The following KIAA1958 variants were observed in gnomAD, a reference collection of about 807,000 sequenced individuals.
KIAA1958 encodes the protein KIAA1958.
In KIAA1958, 14 loss-of-function variants were observed where a neutral mutation model predicts 47.2. That is an observed-to-expected ratio of 0.30 (90% CI 0.20 to 0.46). KIAA1958 has a LOEUF of 0.46. Among genes scored for constraint, KIAA1958 ranks in the 20% least tolerant of loss-of-function variants. The pLI is 1.00. For synonymous variants in KIAA1958, 354 were observed against 353.3 expected (o/e 1.00, Z -0.02); for missense variants, 803 against 909.2 (o/e 0.88, Z 1.50).
intron 1 of KIAA1958, among the ~76,000 whole-genome samples, chr9:112,564,005 ACTG>A (rs746890050): frequency 6.6e-6 from 1 of 152,050 alleles, no homozygotes; most frequent in Non-Finnish European, 1.5e-5. Context: ...TCTCCTGTAG[ACTG>A]CTACTATGTT....
In KIAA1958 at chr9:112,630,139, G is replaced by A. The variant is rs574366155; in HGVS notation, c.1172-15511G>A. 1.4e-4 allele frequency among the ~76,000 whole-genome samples: 21 copies of A among 152,314 alleles called. No homozygotes were observed. The East Asian group carries it at 4.0e-3, about 29-fold the overall frequency. ...TTGCGCATGTGACTGTGCCAACACA[G>A]ATCATAGGGTAGCAACAATCCTTTA... On this transcript the variant is annotated intron_variant, in intron 2 of 3. Coordinates refer to ENST00000337530, the MANE Select transcript of KIAA1958 (RefSeq NM_133465.4).
intron 1 of KIAA1958, among the ~76,000 whole-genome samples, chr9:112,540,681 A>C (rs1016772840): frequency 6.6e-6 from 1 of 151,804 alleles, no homozygotes; most frequent in Admixed American, 6.6e-5. Flanking sequence ...GTTTAAGTTA[A>C]ATTTCTAGGC....
At chr9:112,602,339 T>TAGGCC (rs1836148961) in intron 2 of KIAA1958, among the ~76,000 whole-genome samples, 2 of 152,308 alleles carry the variant, frequency 1.3e-5, no homozygotes, top group African/African-American at 4.8e-5. Flanking sequence ...AAATTGAAGT[T>TAGGCC]GGCCTATTTC....
At chr9:112,620,515 A>T (rs1240568219) in intron 2 of KIAA1958, among the ~76,000 whole-genome samples, 1 of 152,086 alleles carries the variant, frequency 6.6e-6, no homozygotes, top group Non-Finnish European at 1.5e-5. Context: ...GCACATAAAG[A>T]CCCGTTCCTC....
chr9:112,533,580 CAAAAAAAAAAAAAAA>C (rs57032014), intron 1 of KIAA1958, among the ~76,000 whole-genome samples: 3 of 125,422 alleles, frequency 2.4e-5, no homozygotes, highest in Non-Finnish European at 3.3e-5. Flanking sequence ...GACTCCATCC[CAAAAAAAAAAAAAAA>C]AAAAAAAAAA....
At chr9:112,526,980 A>G (rs1171264519) in intron 1 of KIAA1958, among the ~76,000 whole-genome samples, 1 of 152,208 alleles carries the variant, frequency 6.6e-6, no homozygotes, top group Non-Finnish European at 1.5e-5. Context: ...TGATGAACCT[A>G]TTTTAGCACT....
chr9:112,630,919 T>G (rs559972367), intron 2 of KIAA1958, among the ~76,000 whole-genome samples: 1 of 152,230 alleles, frequency 6.6e-6, no homozygotes, highest in South Asian at 2.1e-4. Flanking sequence ...TTTCATAGTA[T>G]TTAAACGAGG....
chr9:112,659,869 C>A lies in KIAA1958; in HGVS notation c.1951C>A (p.Pro651Thr). 6.2e-7 allele frequency: 1 copy of A among 1,614,150 alleles called. No individual in the cohort carries two copies. The highest frequency in any genetic ancestry group is 8.5e-7 in the Non-Finnish European group (1 of 1,180,000). Reference protein sequence around the residue: ...RPPTQMEAKSPFYLTARKEAT... With the variant: ...RPPTQMEAKSTFYLTARKEAT... The stretch of plus-strand genomic sequence containing the variant: ...GCCCACCCAAATGGAGGCCAAGTCC[C>A]CCTTCTACCTGACTGCCAGGAAGGA... The change falls in exon 4 of 4, where the codon CCC becomes ACC. Residue 651 changes from proline to threonine, a missense_variant. Pro to Thr is a conservative substitution (Grantham distance 38). Around this residue, in one of 2 missense-constraint regions of KIAA1958, gnomAD observed 761 missense variants for 829.3 expected, o/e 0.92. Coordinates refer to ENST00000337530, the MANE Select transcript of KIAA1958 (RefSeq NM_133465.4).
At chr9:112,567,484 CT>C (rs1199071113) in intron 1 of KIAA1958, among the ~76,000 whole-genome samples, 2 of 152,116 alleles carry the variant, frequency 1.3e-5, no homozygotes, top group Non-Finnish European at 2.9e-5. Context: ...AGGGAAAGAA[CT>C]AAGGGGAAAA....
At chr9:112,585,472 G>T (rs920349549) in intron 2 of KIAA1958, among the ~76,000 whole-genome samples, 1 of 152,198 alleles carries the variant, frequency 6.6e-6, no homozygotes. Context: ...TGGAAAGATG[G>T]GCTGGAAAGC....
rs545823952 is a variant in KIAA1958 at position 112,665,226 on chromosome 9, T to C, written c.*5157T>C. On this transcript the variant is annotated 3_prime_UTR_variant, in exon 4 of 4. Coordinates refer to ENST00000337530, the MANE Select transcript of KIAA1958 (RefSeq NM_133465.4). ...ATACTTGGTGGTCAATAGAACTGAT[T>C]TGATTAACTTTCATTTAACTGTGGT... The C allele has an allele frequency of 2.6e-5, 4 of 152,336 alleles. No individual in the cohort carries two copies. The South Asian group carries it at 6.2e-4, about 24-fold the overall frequency. The allele number at this position is 152,336 out of a possible 1,614,324, so 9.4% of individuals were successfully genotyped here.
chr9:112,530,659 A>G (rs1232197913), intron 1 of KIAA1958, among the ~76,000 whole-genome samples: 1 of 152,244 alleles, frequency 6.6e-6, no homozygotes, highest in Non-Finnish European at 1.5e-5. Flanking sequence ...ATTTTTTAAA[A>G]TATAACTTTT....
intron 1 of KIAA1958, among the ~76,000 whole-genome samples, chr9:112,489,158 T>G (rs2132750687): frequency 6.6e-6 from 1 of 152,362 alleles, no homozygotes; most frequent in South Asian, 2.1e-4. Flanking sequence ...TTGATCAGGC[T>G]TTATCGTGAA....
At position 112,591,887 on chromosome 9, in the gene KIAA1958, C is replaced by T. The variant is rs935390848; in HGVS notation, c.1171+16636C>T. Among the ~76,000 whole-genome samples the T allele has an allele frequency of 2.6e-5, 4 of 152,164 alleles. 1 individual carries two copies. Among genetic ancestry groups the T allele is most frequent in the African/African-American group, 9.7e-5 (4 of 41,434 alleles). On this transcript the variant is annotated intron_variant, in intron 2 of 3. Transcript: ENST00000337530. ...TTTTAATTCTCAGCAATGCAAGTGA[C>T]TTCTATAGAAGGGTGCCCCCTTACA... is the stretch of plus-strand genomic sequence containing the variant.
At position 112,528,795 on chromosome 9, in the gene KIAA1958, A is replaced by G. The variant is rs1834704339; in HGVS notation, c.-25+41677A>G. ...CAGCCTCCTAAGGTGCTGGGATCAC[A>G]GGTGTGAGCTACCGCACTCGGCCTG... is the stretch of plus-strand genomic sequence containing the variant. On this transcript the variant is annotated intron_variant, in intron 1 of 3. Coordinates refer to ENST00000337530, the MANE Select transcript of KIAA1958 (RefSeq NM_133465.4). Among the ~76,000 whole-genome samples the G allele has an allele frequency of 2.0e-5, 3 of 152,348 alleles. 1 individual carries two copies. The highest frequency in any genetic ancestry group is 6.5e-5 in the Admixed American group (1 of 15,298).
rs1837349413 is a variant in KIAA1958 at position 112,666,200 on chromosome 9, AC to A, written c.*6133del. The A allele has an allele frequency of 6.6e-6, 1 of 151,976 alleles. No individual in the cohort carries two copies. The highest frequency in any genetic ancestry group is 2.1e-4 in the South Asian group (1 of 4,822). The allele number at this position is 151,976 out of a possible 1,614,324, so 9.4% of individuals were successfully genotyped here. A position where few individuals can be genotyped will look rare whatever the true frequency, so the allele number is the denominator to read the frequency against. On this transcript the variant is annotated 3_prime_UTR_variant, in exon 4 of 4. Transcript: ENST00000337530. ...TTGGCCAGGCTGGTCTCGAACTCCG[AC>A]CTCAGTGATCCACCTGCCTCGGCCT...
rs1836449526 is a variant in KIAA1958 at position 112,618,855 on chromosome 9, A to T, written c.1172-26795A>T. ...CAGGCTGCCCAGTCAGTGGCCGGCC[A>T]CTCCAACAATGGCAATTTCATCGTC... On this transcript the variant is annotated intron_variant, in intron 2 of 3. Transcript: ENST00000337530. This position sits in a 1 kb window ranked among gnomAD's most constrained non-coding sequence, Gnocchi z 7.1. 1.4e-5 allele frequency: 21 copies of T among 1,549,476 alleles called. No individual in the cohort carries two copies. Among genetic ancestry groups the T allele is most frequent in the Non-Finnish European group, 1.8e-5 (21 of 1,146,132 alleles).
chr9:112,579,561 CTCTT>C (rs1420820095), intron 2 of KIAA1958, among the ~76,000 whole-genome samples: 4 of 151,902 alleles, frequency 2.6e-5, no homozygotes, highest in African/African-American at 9.7e-5. Context: ...ATTATTGGGT[CTCTT>C]TCTTGTTTTC....
At chr9:112,494,550 T>C (rs183110183) in intron 1 of KIAA1958, among the ~76,000 whole-genome samples, 1 of 151,756 alleles carries the variant, frequency 6.6e-6, no homozygotes, top group East Asian at 1.9e-4. Flanking sequence ...TTTACAGCAG[T>C]GTCAACGTCT....
Sources: gnomAD v4.1 joint callset for allele counts (sites outside exome capture counted in the v4.1 genomes callset) on GRCh38, gnomAD v4.1.1 for gene constraint, gnomAD v4.1.1 regional missense constraint, Gnocchi (gnomAD v3.1) non-coding constraint, MANE v1.5 for transcripts, NCBI Gene and HGNC (gene_info 2026-07-23, HGNC 2026-07-21) for gene names.